Variants in IFT80 observed in about 807,000 individuals in gnomAD.
IFT80 encodes the protein intraflagellar transport 80, also known as intraflagellar transport protein 80 homolog.
In IFT80, 79 loss-of-function variants were observed where a neutral mutation model predicts 107.9. The observed-to-expected ratio is 0.73, with a 90% CI of 0.61 to 0.88. IFT80 has a LOEUF of 0.88. Among genes scored for constraint, IFT80 ranks in the 40% least tolerant of loss-of-function variants. IFT80 has a pLI of 0.00. For synonymous variants in IFT80, 299 were observed against 300.9 expected, an observed-to-expected ratio of 0.99 and a Z score of 0.07; for missense variants, 797 against 914.2, an observed-to-expected ratio of 0.87 and a Z score of 1.65.
intron 9 of IFT80, among the ~76,000 whole-genome samples, chr3:160,309,248 C>CT (rs2108279360): frequency 6.6e-6 from 1 of 152,178 alleles, no homozygotes; most frequent in East Asian, 1.9e-4. Flanking sequence ...CACTACAGCA[C>CT]TATTAGTAAT....
chr3:160,346,319 C>T (rs1720288819), intron 8 of IFT80, among the ~76,000 whole-genome samples: 1 of 152,150 alleles, frequency 6.6e-6, no homozygotes, highest in Non-Finnish European at 1.5e-5. Flanking sequence ...TATAATCCTT[C>T]CACGATGTAT....
intron 13 of IFT80, 22 bp from the exon 14 acceptor site, chr3:160,282,635 A>C: frequency 7.0e-7 from 1 of 1,432,944 alleles, no homozygotes; most frequent in Non-Finnish European, 9.8e-7. Flanking sequence ...TTTAAATGTA[A>C]ATACTGGGTT....
chr3:160,392,665 G>A (rs746145694), intron 1 of IFT80, among the ~76,000 whole-genome samples: 178 of 152,108 alleles, frequency 1.2e-3, no homozygotes, highest in Non-Finnish European at 1.6e-3. Context: ...CACTATGACC[G>A]CAATCCAAGA....
At chr3:160,380,283 C>G (rs1712373035) in intron 3 of IFT80, among the ~76,000 whole-genome samples, 1 of 151,960 alleles carries the variant, frequency 6.6e-6, no homozygotes, top group Non-Finnish European at 1.5e-5. Flanking sequence ...ATGATGCGCC[C>G]ACCTCAGCCT....
chr3:160,392,718 T>C (rs1713479193), intron 1 of IFT80, among the ~76,000 whole-genome samples: 1 of 152,230 alleles, frequency 6.6e-6, no homozygotes, highest in African/African-American at 2.4e-5. Context: ...AGCTTCCTAA[T>C]TAGCCTCTGA....
chr3:160,340,256 G>A (rs889248483), intron 8 of IFT80, among the ~76,000 whole-genome samples: 2 of 152,208 alleles, frequency 1.3e-5, no homozygotes, highest in Admixed American at 6.5e-5. Flanking sequence ...CTACCTACAT[G>A]ACTCATTGCT....
chr3:160,388,884 G>T (rs1307454961), intron 1 of IFT80, among the ~76,000 whole-genome samples: 2 of 152,134 alleles, frequency 1.3e-5, no homozygotes, highest in Non-Finnish European at 2.9e-5. Flanking sequence ...ATGTAAAGGG[G>T]TTACAAGCCT....
intron 12 of IFT80, chr3:160,299,279 A>C: frequency 8.8e-7 from 1 of 1,136,096 alleles, no homozygotes; most frequent in Non-Finnish European, 1.1e-6. Flanking sequence ...GAAGGCCTAA[A>C]TGAAGAGATA....
At chr3:160,349,078 A>ATATACAAAT (rs1720488640) in intron 8 of IFT80, among the ~76,000 whole-genome samples, 1 of 151,890 alleles carries the variant, frequency 6.6e-6, no homozygotes, top group Non-Finnish European at 1.5e-5. Flanking sequence ...AATGGGTAAA[A>ATATACAAAT]TGTGTCATAT....
At chr3:160,354,351 A>C (rs1239768449) in intron 8 of IFT80, among the ~76,000 whole-genome samples, 1 of 152,166 alleles carries the variant, frequency 6.6e-6, no homozygotes, top group Non-Finnish European at 1.5e-5. Flanking sequence ...CAGGCCTTTA[A>C]GAATGAGTGG....
chr3:160,345,202 G>A (rs955117611), intron 8 of IFT80, among the ~76,000 whole-genome samples: 1 of 152,036 alleles, frequency 6.6e-6, no homozygotes, highest in East Asian at 1.9e-4. Context: ...ATCAACAGAC[G>A]AATAGATAAA....
rs188582808 is a variant in IFT80, at chr3:160,291,638, C to T, written c.1316-5770G>A. 2.0e-5 allele frequency among the ~76,000 whole-genome samples: 3 copies of T among 152,308 alleles called. No homozygotes were observed. The East Asian group carries it at 5.8e-4, about 29-fold the overall frequency. ...CAAATAAGCGTGGTGGGCTGCACTG[C>T]ATGCTGTTTGCCTCAATATCTGAGT... On this transcript the variant is annotated intron_variant, in intron 12 of 19. Transcript: ENST00000326448.
intron 1 of IFT80, among the ~76,000 whole-genome samples, chr3:160,389,302 T>C (rs988526972): frequency 2.6e-5 from 4 of 152,202 alleles, no homozygotes; most frequent in African/African-American, 9.6e-5. Flanking sequence ...AAATGGTGAT[T>C]GAAATCATCC....
chr3:160,263,188 G>T (rs1330496251), intron 19 of IFT80, among the ~76,000 whole-genome samples: 6 of 151,996 alleles, frequency 3.9e-5, no homozygotes, highest in Non-Finnish European at 5.9e-5. Context: ...ATTCTCAAAT[G>T]CCCTGCCTTA....
rs1188887471 is a variant in IFT80 at position 160,261,277 on chromosome 3, C to A, written c.2224-2642G>T. Among the ~76,000 whole-genome samples, 4 of 151,960 alleles carry A rather than the reference C, an allele frequency of 2.6e-5. No individual in the cohort carries two copies. In the East Asian group the frequency reaches 7.7e-4, roughly 29 times the overall value. Reference sequence around the variant, plus strand: ...CTGTTTTCAGTCCTTATCTTATATACCTTCTCTGTATGATTCAATTTTTCA... The same window carrying A: ...CTGTTTTCAGTCCTTATCTTATATAACTTCTCTGTATGATTCAATTTTTCA... On this transcript the variant is annotated intron_variant, in intron 19 of 19. Coordinates refer to ENST00000326448, the MANE Select transcript of IFT80 (RefSeq NM_020800.3).
chr3:160,277,794 G>A (rs890635945), intron 16 of IFT80, 124 bp from the exon 17 acceptor site: 2 of 683,618 alleles, frequency 2.9e-6, no homozygotes, highest in Non-Finnish European at 5.1e-6. Flanking sequence ...ACTGAGCAGG[G>A]CATTAAAAAA....
At position 160,258,617 on chromosome 3, in the gene IFT80, T is replaced by A; in HGVS notation, c.2242A>T (p.Lys748Ter). Residue 748 changes from lysine to a stop codon, truncating the protein, a stop_gained, in exon 20 of 20, where the codon AAA becomes TAA. Coordinates refer to ENST00000326448, the MANE Select transcript of IFT80 (RefSeq NM_020800.3). LOFTEE classifies it high-confidence loss of function. ...TCCATCTCAATTTTGGCTTTGATTT[T>A]CTCCCAATCTATTTGGAGCTGCAAT... Reference protein sequence around the residue: ...YAEGLQIDWEKIKAKIEMEIT... With the variant: ...YAEGLQIDWE 1 of 1,612,142 alleles carries A rather than the reference T, an allele frequency of 6.2e-7. No individual in the cohort carries two copies. The highest frequency in any genetic ancestry group is 8.5e-7 in the Non-Finnish European group (1 of 1,179,854).
rs117778578 is a variant in IFT80, at chr3:160,292,278, C to G, written c.1316-6410G>C. Among the ~76,000 whole-genome samples the G allele has an allele frequency of 9.0e-4, 137 of 152,290 alleles. No homozygotes were observed. In the East Asian group the frequency reaches 0.02, roughly 22 times the overall value. ...TCGTCAGACCAAGGAACATACCTTA[C>G]AATCCATAATGTCCAACAATGGGCA... On this transcript the variant is annotated intron_variant, in intron 12 of 19. Coordinates refer to ENST00000326448, the MANE Select transcript of IFT80 (RefSeq NM_020800.3).
At chr3:160,264,536 C>T (rs1025107162) in intron 19 of IFT80, among the ~76,000 whole-genome samples, 6 of 151,890 alleles carry the variant, frequency 4.0e-5, no homozygotes, top group African/African-American at 1.5e-4. Context: ...GATTCTCCCA[C>T]CTAAGCTTCC....
Sources: allele counts gnomAD v4.1 joint callset (sites outside exome capture counted in the v4.1 genomes callset), GRCh38; gene constraint gnomAD v4.1.1; transcripts MANE v1.5; gene names NCBI Gene and HGNC (gene_info 2026-07-23, HGNC 2026-07-21).